SH3PXD2A: variants seen among roughly 807,000 people sequenced by gnomAD.
SH3PXD2A encodes SH3 and PX domains 2A.
SH3PXD2A carries 32 observed loss-of-function variants against 115.2 expected under a neutral mutation model. That is an observed-to-expected ratio of 0.28 (90% CI 0.21 to 0.37). The LOEUF (loss-of-function observed/expected upper bound fraction) is 0.37, where lower values mean the gene tolerates loss of function less well. Ranked by LOEUF, SH3PXD2A falls within the 10% of genes least tolerant of loss-of-function variation. The pLI, the probability that SH3PXD2A is intolerant of heterozygous loss-of-function variation, is 1.00. For synonymous variants in SH3PXD2A, 610 were observed against 629.1 expected (o/e 0.97, Z 0.45); for missense variants, 1,328 against 1,498.7 (o/e 0.89, Z 1.88).
chr10:103,605,980 G>A, intron 13 of SH3PXD2A, 63 bp from the exon 14 acceptor site: 1 of 1,588,446 alleles, frequency 6.3e-7, no homozygotes, highest in Non-Finnish European at 8.6e-7. Flanking sequence ...CTTGGCCAAG[G>A]GTTGGTCCCC....
intron 3 of SH3PXD2A, among the ~76,000 whole-genome samples, chr10:103,761,652 C>T (rs1323645391): frequency 6.6e-6 from 1 of 152,184 alleles, no homozygotes; most frequent in African/African-American, 2.4e-5. Flanking sequence ...CCACCTGCCA[C>T]CCACACAGGG....
At chr10:103,776,802 C>T (rs1451650470) in intron 2 of SH3PXD2A, among the ~76,000 whole-genome samples, 1 of 152,188 alleles carries the variant, frequency 6.6e-6, no homozygotes, top group Non-Finnish European at 1.5e-5. Context: ...AGGAGCCACC[C>T]TACTCCCGGA....
At chr10:103,747,488 C>G (rs1022219705) in intron 3 of SH3PXD2A, among the ~76,000 whole-genome samples, 1 of 152,200 alleles carries the variant, frequency 6.6e-6, no homozygotes, top group African/African-American at 2.4e-5. Flanking sequence ...AGCTTCCTGG[C>G]AGCCTCTCCC....
At chr10:103,643,538 G>C (rs2036986622) in intron 8 of SH3PXD2A, among the ~76,000 whole-genome samples, 1 of 152,176 alleles carries the variant, frequency 6.6e-6, no homozygotes, top group African/African-American at 2.4e-5. Flanking sequence ...TTCAACAAGA[G>C]AGCAAGGCAA....
chr10:103,714,796 T>G (rs1334730633), intron 5 of SH3PXD2A, among the ~76,000 whole-genome samples: 1 of 152,220 alleles, frequency 6.6e-6, no homozygotes, highest in Non-Finnish European at 1.5e-5. Flanking sequence ...GTGGCCCACG[T>G]CCCTGGCCAG....
chr10:103,753,613 T>C (rs754813186), intron 3 of SH3PXD2A, among the ~76,000 whole-genome samples: 2 of 152,042 alleles, frequency 1.3e-5, no homozygotes, highest in African/African-American at 2.4e-5. Context: ...GGGTAAGTCA[T>C]GCACCCCTTC....
At chr10:103,712,451 C>T (rs1415350677) in intron 5 of SH3PXD2A, among the ~76,000 whole-genome samples, 1 of 152,192 alleles carries the variant, frequency 6.6e-6, no homozygotes, top group Non-Finnish European at 1.5e-5. Flanking sequence ...ACCGGTTTCC[C>T]TGTGTCTGTT....
intron 8 of SH3PXD2A, among the ~76,000 whole-genome samples, chr10:103,640,850 C>A (rs545827465): frequency 2.6e-5 from 4 of 152,118 alleles, no homozygotes; most frequent in African/African-American, 9.6e-5. Context: ...GACTGGTGGG[C>A]CCGGGATGTG....
intron 8 of SH3PXD2A, among the ~76,000 whole-genome samples, chr10:103,644,237 C>T (rs2037000484): frequency 6.6e-6 from 1 of 151,678 alleles, no homozygotes; most frequent in African/African-American, 2.4e-5. Context: ...GCCACCTGCC[C>T]TACTTACCCT....
chr10:103,828,352 T>G (rs1004371465), intron 1 of SH3PXD2A, among the ~76,000 whole-genome samples: 1 of 152,180 alleles, frequency 6.6e-6, no homozygotes, highest in East Asian at 1.9e-4. Context: ...CCACCACTCC[T>G]CAAATGAGCT....
rs79585637 is a variant in SH3PXD2A, at chr10:103,657,691, G to C, written c.604+3292C>G. The stretch of plus-strand genomic sequence containing the variant: ...GTTTGACTCCTGTTCTCTGGAACAG[G>C]TTTGTCCTCAGTCCTAGGTACACAT... On this transcript the variant is annotated intron_variant, in intron 8 of 14. Transcript: ENST00000369774. Among the ~76,000 whole-genome samples, 984 of 152,328 alleles carry C rather than the reference G, an allele frequency of 6.5e-3. 6 individuals carry two copies. Among genetic ancestry groups the C allele is most frequent in the Middle Eastern group, 0.01 (3 of 294 alleles).
At chr10:103,710,898 C>T (rs749364886) in intron 5 of SH3PXD2A, among the ~76,000 whole-genome samples, 5 of 151,854 alleles carry the variant, frequency 3.3e-5, no homozygotes, top group South Asian at 4.2e-4. Flanking sequence ...TAGTGGGGCA[C>T]GGTGGCATGT....
At chr10:103,655,695 C>T (rs1398752485) in intron 8 of SH3PXD2A, among the ~76,000 whole-genome samples, 1 of 149,540 alleles carries the variant, frequency 6.7e-6, no homozygotes, top group Non-Finnish European at 1.5e-5. Flanking sequence ...ATCACTTAAT[C>T]CTGGGAGACA....
At chr10:103,614,677 G>A (rs2036481214) in intron 11 of SH3PXD2A, among the ~76,000 whole-genome samples, 3 of 152,116 alleles carry the variant, frequency 2.0e-5, no homozygotes, top group Admixed American at 2.0e-4. Context: ...CCAAGTCTGG[G>A]TTGCAATGTC....
chr10:103,741,199 A>G (rs2038440485), intron 3 of SH3PXD2A, among the ~76,000 whole-genome samples: 1 of 152,240 alleles, frequency 6.6e-6, no homozygotes, highest in Non-Finnish European at 1.5e-5. Flanking sequence ...GCCAGAGGAA[A>G]CTACAACAGC....
chr10:103,603,728 G>A lies in SH3PXD2A; in HGVS notation c.1490C>T (p.Ala497Val), dbSNP rs770908636. 3 of 1,610,972 alleles carry A rather than the reference G, an allele frequency of 1.9e-6. No homozygotes were observed. Among genetic ancestry groups the A allele is most frequent in the Non-Finnish European group, 2.5e-6 (3 of 1,179,910 alleles). The part of the protein sequence containing the change: ...YVQIGEKEGW[A>V]PASYIDKRKK... ...GCGCTTATCGATGTATGATGCGGGG[G>A]CCCAGCCCTCCTTCTCACCGATCTG... Residue 497 changes from alanine (A) to valine (V), a missense_variant, in exon 15 of 15, where the codon GCC (alanine) becomes GTC (valine). By Grantham distance (64) the Ala-to-Val change is moderately conservative (BLOSUM62 0). Coordinates refer to ENST00000369774, the MANE Select transcript of SH3PXD2A (RefSeq NM_001394015.1).
chr10:103,634,028 A>G (rs1406817732), intron 8 of SH3PXD2A, among the ~76,000 whole-genome samples: 4 of 152,180 alleles, frequency 2.6e-5, no homozygotes, highest in Admixed American at 2.6e-4. Context: ...CTCCATAGCA[A>G]GTTTTGCCCA....
intron 3 of SH3PXD2A, among the ~76,000 whole-genome samples, chr10:103,760,074 C>A (rs117123653): frequency 2.0e-5 from 3 of 152,170 alleles, no homozygotes; most frequent in Non-Finnish European, 4.4e-5. Context: ...CTGGGGCATA[C>A]GGCAGGTTTG....
chr10:103,672,521 C>T (rs1046688208), intron 6 of SH3PXD2A, among the ~76,000 whole-genome samples: 6 of 152,178 alleles, frequency 3.9e-5, no homozygotes, highest in Admixed American at 3.3e-4. Flanking sequence ...TGAGGCAACC[C>T]GAGTCCAAAA....
Sources: allele counts gnomAD v4.1 joint callset (sites outside exome capture counted in the v4.1 genomes callset), GRCh38; gene constraint gnomAD v4.1.1; transcripts MANE v1.5; gene names NCBI Gene and HGNC (gene_info 2026-07-23, HGNC 2026-07-21).